Variants in LUZP2 observed in about 807,000 individuals in gnomAD.
LUZP2 encodes leucine zipper protein 2.
A neutral mutation model predicts 51.6 loss-of-function variants in LUZP2; 52 were observed. That is an observed-to-expected ratio of 1.01 (90% CI 0.81 to 1.27). The LOEUF (loss-of-function observed/expected upper bound fraction) is 1.27, where lower values mean the gene tolerates loss of function less well. Ranked by LOEUF, LUZP2 falls within the 50% of genes most tolerant of loss-of-function variation. The probability of loss-of-function intolerance (pLI) is 0.00; values close to 1 mark genes in which losing one functional copy is unlikely to be tolerated. For missense variants in LUZP2, 436 were observed against 395.4 expected, an observed-to-expected ratio of 1.10 and a Z score of -0.87; for synonymous variants, 154 against 137.3, an observed-to-expected ratio of 1.12 and a Z score of -0.85.
intron 1 of LUZP2, among the ~76,000 whole-genome samples, chr11:24,527,563 T>TCA (rs1378672067): frequency 2.6e-5 from 3 of 116,716 alleles, no homozygotes; most frequent in Non-Finnish European, 5.5e-5. Context: ...TCTCTCTCTC[T>TCA]CTCTCACACA....
intron 9 of LUZP2, among the ~76,000 whole-genome samples, chr11:24,989,075 T>C (rs1211993432): frequency 7.0e-6 from 1 of 142,936 alleles, no homozygotes; most frequent in Non-Finnish European, 1.5e-5. Flanking sequence ...GATCTAGATA[T>C]AAAAAGGCTT....
intron 1 of LUZP2, among the ~76,000 whole-genome samples, chr11:24,590,322 C>T (rs1489567844): frequency 6.6e-6 from 1 of 152,060 alleles, no homozygotes; most frequent in Non-Finnish European, 1.5e-5. Context: ...TTACGGAGTA[C>T]AATTTGATGT....
At chr11:24,541,788 A>G (rs1266845108) in intron 1 of LUZP2, among the ~76,000 whole-genome samples, 1 of 152,136 alleles carries the variant, frequency 6.6e-6, no homozygotes, top group Non-Finnish European at 1.5e-5. Flanking sequence ...AAGAATAATG[A>G]TAAGAACCTA....
At chr11:24,759,050 G>A (rs78426434) in intron 4 of LUZP2, among the ~76,000 whole-genome samples, 1,676 of 152,148 alleles carry the variant, frequency 0.011, 33 homozygotes, top group African/African-American at 0.038. Flanking sequence ...TAATGAAATG[G>A]TAAATATTTC....
chr11:24,797,190 T>G (rs2134107673), intron 5 of LUZP2, among the ~76,000 whole-genome samples: 1 of 152,294 alleles, frequency 6.6e-6, no homozygotes, highest in South Asian at 2.1e-4. Flanking sequence ...CTGTTAGCCC[T>G]TATCACTATC....
At position 24,538,704 on chromosome 11, in the gene LUZP2, C is replaced by T. The variant is rs116814882; in HGVS notation, c.62+41399C>T. Among the ~76,000 whole-genome samples the T allele has an allele frequency of 2.4e-3, 360 of 150,794 alleles. 1 individual carries two copies. Among genetic ancestry groups the T allele is most frequent in the African/African-American group, 8.4e-3 (345 of 41,208 alleles). On this transcript the variant is annotated intron_variant, in intron 1 of 11. Transcript: ENST00000336930. ...TATAAAACTTTCAAAAAAATAAGTC[C>T]ATTTCTGATAATTTATTTTGTAAAA...
At position 25,078,794 on chromosome 11, in the gene LUZP2, C is replaced by A; in HGVS notation, c.*136C>A. The A allele has an allele frequency of 1.5e-6, 1 of 676,442 alleles. No individual in the cohort carries two copies. The highest frequency in any genetic ancestry group is 1.9e-5 in the South Asian group (1 of 52,140). The allele number at this position is 676,442 out of a possible 1,614,324, so 41.9% of individuals were successfully genotyped here. ...TTATGTAACTTTATAAAGTAGCCTA[C>A]ACATTTTCAAAGATTCCAGACCAAT... On this transcript the variant is annotated 3_prime_UTR_variant, in exon 12 of 12. Transcript: ENST00000336930.
At chr11:24,509,569 CAT>C (rs969549308) in intron 1 of LUZP2, among the ~76,000 whole-genome samples, 187 of 148,670 alleles carry the variant, frequency 1.3e-3, no homozygotes, top group Non-Finnish European at 7.9e-4. Context: ...ATATATTACT[CAT>C]AGACATCTTT....
chr11:24,673,082 C>A (rs1215677921), intron 1 of LUZP2, among the ~76,000 whole-genome samples: 2 of 152,126 alleles, frequency 1.3e-5, no homozygotes, highest in South Asian at 2.1e-4. Context: ...ACCATCCTCC[C>A]AACATAACAC....
At chr11:24,976,464 A>T in intron 7 of LUZP2, 127 bp from the exon 8 acceptor site, 2 of 505,640 alleles carry the variant, frequency 4.0e-6, no homozygotes, top group Non-Finnish European at 6.5e-6. Context: ...AATGAATCTT[A>T]CAGGACACTG....
intron 9 of LUZP2, among the ~76,000 whole-genome samples, chr11:24,989,629 C>A (rs781028238): frequency 1.3e-5 from 2 of 152,024 alleles, no homozygotes; most frequent in Non-Finnish European, 2.9e-5. Context: ...GCTGACATTT[C>A]TTTCCTATAT....
At chr11:24,508,929 G>T (rs1554945360) in intron 1 of LUZP2, among the ~76,000 whole-genome samples, 3 of 152,060 alleles carry the variant, frequency 2.0e-5, no homozygotes, top group Non-Finnish European at 4.4e-5. Flanking sequence ...TAAGACTCAG[G>T]ATTCTAATTC....
intron 5 of LUZP2, among the ~76,000 whole-genome samples, chr11:24,821,698 A>C (rs1420376622): frequency 6.6e-6 from 1 of 152,058 alleles, no homozygotes; most frequent in Non-Finnish European, 1.5e-5. Flanking sequence ...TGCACATTTC[A>C]AAAAGCATGA....
intron 7 of LUZP2, among the ~76,000 whole-genome samples, chr11:24,969,785 G>C (rs907098794): frequency 1.3e-5 from 2 of 152,068 alleles, no homozygotes; most frequent in Non-Finnish European, 2.9e-5. Context: ...TAGCATGTAT[G>C]GCTACAAAAG....
rs1858741462 is a variant in LUZP2, at chr11:24,732,242, C to A, written c.251+54C>A. 4 of 1,309,096 alleles carry A rather than the reference C, an allele frequency of 3.1e-6. No homozygotes were observed. The Admixed American group carries it at 9.2e-5, about 30-fold the overall frequency. The allele number at this position is 1,309,096 out of a possible 1,614,324, so 81.1% of individuals were successfully genotyped here. A position where few individuals can be genotyped will look rare whatever the true frequency, so the allele number is the denominator to read the frequency against. ...TTCTGCCATAGTGTCAAGCAACATT[C>A]AGAAACTTCACAAAATTTATTGATT... On this transcript the variant is annotated intron_variant, in intron 3 of 11. Transcript: ENST00000336930.
intron 1 of LUZP2, among the ~76,000 whole-genome samples, chr11:24,676,652 T>G (rs1273470038): frequency 9.9e-6 from 1 of 100,650 alleles, no homozygotes; most frequent in Non-Finnish European, 2.2e-5. Context: ...TTTATTTTTG[T>G]TTTTGTTTGT....
chr11:24,946,164 A>G (rs955843416), intron 7 of LUZP2, among the ~76,000 whole-genome samples: 21 of 152,064 alleles, frequency 1.4e-4, no homozygotes, highest in African/African-American at 5.1e-4. Context: ...TAAATGTCAT[A>G]TAATATTCCA....
chr11:24,764,681 A>C (rs2134036563), intron 5 of LUZP2, among the ~76,000 whole-genome samples: 1 of 151,830 alleles, frequency 6.6e-6, no homozygotes, highest in African/African-American at 2.4e-5. Context: ...AATAAGTTTA[A>C]AAAATAAAAA....
At chr11:24,987,889 G>C (rs79039041) in intron 9 of LUZP2, among the ~76,000 whole-genome samples, 1 of 151,838 alleles carries the variant, frequency 6.6e-6, no homozygotes, top group Non-Finnish European at 1.5e-5. Context: ...AAATTATTAT[G>C]GGCTTCAAAA....
Sources: gnomAD v4.1 joint callset for allele counts (sites outside exome capture counted in the v4.1 genomes callset) on GRCh38, gnomAD v4.1.1 for gene constraint, MANE v1.5 for transcripts, NCBI Gene and HGNC (gene_info 2026-07-23, HGNC 2026-07-21) for gene names.